Variants in NOS1AP observed in about 807,000 individuals in gnomAD.
The protein encoded by NOS1AP is carboxyl-terminal PDZ ligand of neuronal nitric oxide synthase protein.
NOS1AP carries 21 observed loss-of-function variants against 56.2 expected under a neutral mutation model. The ratio of observed to expected loss-of-function variants is 0.37; its 90% CI spans 0.26 to 0.54. NOS1AP has a LOEUF of 0.54. Among genes scored for constraint, NOS1AP ranks in the 20% least tolerant of loss-of-function variants. The probability of loss-of-function intolerance (pLI) is 0.84; values close to 1 mark genes in which losing one functional copy is unlikely to be tolerated. For missense variants in NOS1AP, 522 were observed against 657.8 expected (o/e 0.79, Z 2.26); for synonymous variants, 270 against 274.6 (o/e 0.98, Z 0.17).
chr1:162,133,655 T>C (rs1648853244), intron 1 of NOS1AP, among the ~76,000 whole-genome samples: 1 of 152,238 alleles, frequency 6.6e-6, no homozygotes, highest in Admixed American at 6.5e-5. Context: ...TGCTGTGGCA[T>C]TGGGTGGTCT....
chr1:162,198,292 G>A (rs868187879), intron 2 of NOS1AP, among the ~76,000 whole-genome samples: 4 of 152,188 alleles, frequency 2.6e-5, no homozygotes, highest in Non-Finnish European at 4.4e-5. Flanking sequence ...ATCTGCATAC[G>A]AATTGGAGGT....
In NOS1AP at chr1:162,125,130, C is replaced by CTTTT. The variant is rs56264198; in HGVS notation, c.106-29257_106-29254dup. ...ATGCCAACATCTATTGTTTCTGACT[C>CTTTT]TTTTTTTTTTTTTTTTTTTTTAAGA... On this transcript the variant is annotated intron_variant, in intron 1 of 9. Transcript: ENST00000361897. Among the ~76,000 whole-genome samples, 193 of 124,126 alleles carry CTTTT rather than the reference C, an allele frequency of 1.6e-3. 9 individuals carry two copies. The highest frequency in any genetic ancestry group is 5.9e-3 in the African/African-American group (183 of 30,948). 81.4% of individuals were successfully genotyped at this position (124,126 alleles called of 152,430 possible). A position where few individuals can be genotyped will look rare whatever the true frequency, so the allele number is the denominator to read the frequency against.
intron 1 of NOS1AP, among the ~76,000 whole-genome samples, chr1:162,145,826 C>T (rs139185472): frequency 2.6e-5 from 4 of 152,188 alleles, no homozygotes; most frequent in African/African-American, 9.6e-5. Context: ...CACAGTATGA[C>T]CAGGAGACCA....
At chr1:162,324,277 C>T (rs1471603063) in intron 4 of NOS1AP, among the ~76,000 whole-genome samples, 2 of 151,988 alleles carry the variant, frequency 1.3e-5, no homozygotes, top group South Asian at 2.1e-4. Flanking sequence ...AAATTGGCAG[C>T]CTGTGTAAAT....
chr1:162,241,804 A>G (rs898308605), intron 2 of NOS1AP, among the ~76,000 whole-genome samples: 2 of 152,200 alleles, frequency 1.3e-5, no homozygotes, highest in African/African-American at 4.8e-5. Context: ...GTCAACATCA[A>G]CAAAGCAGAT....
Position 162,355,304 on chromosome 1 carries a change from C to G in NOS1AP, c.713C>G (p.Thr238Ser). ...GTCCTGGAATTCAGCCGAGGTGTGACTGATCTAGATGCTGTAGGGAAGGAA... is the reference window on the plus strand; with the variant it reads ...GTCCTGGAATTCAGCCGAGGTGTGAGTGATCTAGATGCTGTAGGGAAGGAA... Reference protein sequence around the residue: ...NDVLEFSRGVTDLDAVGKEGG... With the variant: ...NDVLEFSRGVSDLDAVGKEGG... Residue 238 changes from threonine (T) to serine (S), a missense_variant, in exon 7 of 10, where the codon ACT becomes AGT. Thr to Ser is a moderately conservative substitution (Grantham distance 58, BLOSUM62 1). Transcript: ENST00000361897. 6.2e-7 allele frequency: 1 copy of G among 1,614,154 alleles called. No homozygotes were observed. The highest frequency in any genetic ancestry group is 8.5e-7 in the Non-Finnish European group (1 of 1,180,042).
chr1:162,261,432 C>A (rs939701174), intron 2 of NOS1AP, among the ~76,000 whole-genome samples: 1 of 103,566 alleles, frequency 9.7e-6, no homozygotes, highest in Non-Finnish European at 1.8e-5. Context: ...TCAATCTAAT[C>A]ACAAGAGTCC....
intron 2 of NOS1AP, among the ~76,000 whole-genome samples, chr1:162,170,716 C>T (rs1039585166): frequency 2.4e-4 from 36 of 151,996 alleles, no homozygotes; most frequent in African/African-American, 7.3e-4. Context: ...CACTTGAGGT[C>T]AGAAGTTCGA....
At chr1:162,276,153 G>T (rs1031436853) in intron 2 of NOS1AP, among the ~76,000 whole-genome samples, 1 of 152,164 alleles carries the variant, frequency 6.6e-6, no homozygotes, top group Middle Eastern at 3.2e-3. Flanking sequence ...CGGAGTCAAG[G>T]CTGGTACTGG....
intron 1 of NOS1AP, among the ~76,000 whole-genome samples, chr1:162,097,590 A>G (rs1189301825): frequency 1.3e-5 from 2 of 152,194 alleles, no homozygotes; most frequent in African/African-American, 2.4e-5. Flanking sequence ...TTCTCTATGT[A>G]GATAACCAGT....
intron 1 of NOS1AP, 136 bp downstream of exon 1, chr1:162,070,418 A>T: frequency 1.4e-6 from 1 of 701,544 alleles, no homozygotes; most frequent in Non-Finnish European, 2.5e-6. Context: ...TAGGGAGGGT[A>T]ACTCTCCCTT....
At chr1:162,290,771 A>G (rs1231647561) in intron 3 of NOS1AP, among the ~76,000 whole-genome samples, 4 of 152,154 alleles carry the variant, frequency 2.6e-5, no homozygotes, top group African/African-American at 9.7e-5. Flanking sequence ...GGTTAGTGTG[A>G]CAAGCTGGGA....
intron 2 of NOS1AP, among the ~76,000 whole-genome samples, chr1:162,279,353 G>A (rs1654843880): frequency 6.6e-6 from 1 of 152,192 alleles, no homozygotes; most frequent in African/African-American, 2.4e-5. Context: ...TACACAGTCC[G>A]AGATTGCTTG....
chr1:162,339,487 A>G (rs1204007817), intron 5 of NOS1AP, among the ~76,000 whole-genome samples: 1 of 151,646 alleles, frequency 6.6e-6, no homozygotes. Flanking sequence ...CCACTTGTTT[A>G]CCCTTTGTAC....
chr1:162,363,391 C>T (rs114412661), intron 8 of NOS1AP: 6,131 of 152,740 alleles, frequency 0.04, 178 homozygotes, highest in Non-Finnish European at 0.061. Context: ...CCCATGCCCT[C>T]CCAACGTGCA....
At chr1:162,334,314 A>T (rs150616918) in intron 5 of NOS1AP, among the ~76,000 whole-genome samples, 1 of 152,234 alleles carries the variant, frequency 6.6e-6, no homozygotes, top group Non-Finnish European at 1.5e-5. Flanking sequence ...GATGGCAGGA[A>T]TAAAAGAGTA....
intron 4 of NOS1AP, among the ~76,000 whole-genome samples, chr1:162,300,928 C>T (rs1010758144): frequency 7.9e-5 from 12 of 152,118 alleles, no homozygotes; most frequent in Admixed American, 7.2e-4. Flanking sequence ...AGTATATCTG[C>T]TTGATGTTTA....
At chr1:162,093,742 G>A (rs1050643054) in intron 1 of NOS1AP, among the ~76,000 whole-genome samples, 1 of 151,804 alleles carries the variant, frequency 6.6e-6, no homozygotes, top group African/African-American at 2.4e-5. Flanking sequence ...TAGTGGAATC[G>A]AGGTCTCACT....
chr1:162,185,755 A>G (rs1314763356), intron 2 of NOS1AP, among the ~76,000 whole-genome samples: 1 of 152,000 alleles, frequency 6.6e-6, no homozygotes, highest in Non-Finnish European at 1.5e-5. Context: ...GCCAAATATA[A>G]TAATGAGGAA....
Sources: allele counts gnomAD v4.1 joint callset (sites outside exome capture counted in the v4.1 genomes callset), GRCh38; gene constraint gnomAD v4.1.1; transcripts MANE v1.5; gene names NCBI Gene and HGNC (gene_info 2026-07-23, HGNC 2026-07-21).